The following TRIM67 variants were observed in gnomAD, a reference collection of about 807,000 sequenced individuals.
The protein encoded by TRIM67 is tripartite motif containing 67.
Under a neutral mutation model 71.0 loss-of-function variants are expected in TRIM67, and 39 were observed. That is an observed-to-expected ratio of 0.55 (90% CI 0.43 to 0.72). The LOEUF is 0.72. Among genes scored for constraint, TRIM67 ranks in the 30% least tolerant of loss-of-function variants. The pLI, the probability that TRIM67 is intolerant of heterozygous loss-of-function variation, is 0.00. For synonymous variants in TRIM67, 481 were observed against 473.9 expected (o/e 1.01, Z -0.19); for missense variants, 973 against 1,079.2 (o/e 0.90, Z 1.38).
Position 231,215,814 on chromosome 1 carries a change from T to C in TRIM67, c.*374T>C. On this transcript the variant is annotated 3_prime_UTR_variant, in exon 10 of 10. Coordinates refer to ENST00000366653, the MANE Select transcript of TRIM67 (RefSeq NM_001004342.5). ...GGGAGAGGAAGGTAGACTTTGAGAC[T>C]GGCCTCCTGAGAGCGGCAGTCAGGA... 1 of 1,032,798 alleles carries C rather than the reference T, an allele frequency of 9.7e-7. No homozygotes were observed. The highest frequency in any genetic ancestry group is 1.2e-6 in the Non-Finnish European group (1 of 861,030). The allele number at this position is 1,032,798 out of a possible 1,614,324, so 64.0% of individuals were successfully genotyped here. A position where few individuals can be genotyped will look rare whatever the true frequency, so the allele number is the denominator to read the frequency against.
At chr1:231,204,852 A>G (rs953364025) in intron 6 of TRIM67, among the ~76,000 whole-genome samples, 1 of 152,226 alleles carries the variant, frequency 6.6e-6, no homozygotes, top group African/African-American at 2.4e-5. Flanking sequence ...AGAGATGTAC[A>G]TATGTGTCGT....
chr1:231,168,220 T>C (rs1263733883), intron 1 of TRIM67, among the ~76,000 whole-genome samples: 1 of 150,910 alleles, frequency 6.6e-6, no homozygotes, highest in Non-Finnish European at 1.5e-5. Context: ...CCTCCTACCT[T>C]GGCCTCCCAA....
In TRIM67 at chr1:231,216,021, A is replaced by C. The variant is rs1165924655; in HGVS notation, c.*581A>C. 1 of 985,406 alleles carries C rather than the reference A, an allele frequency of 1.0e-6. No homozygotes were observed. The highest frequency in any genetic ancestry group is 1.7e-5 in the African/African-American group (1 of 57,222). 61.0% of individuals were successfully genotyped at this position (985,406 alleles called of 1,614,324 possible). A position where few individuals can be genotyped will look rare whatever the true frequency, so the allele number is the denominator to read the frequency against. ...GCAGGATTGATAGAAAGGGACATTA[A>C]TCATTCATGCTTGACTTTTGCCTCT... On this transcript the variant is annotated 3_prime_UTR_variant, in exon 10 of 10. Coordinates refer to ENST00000366653, the MANE Select transcript of TRIM67 (RefSeq NM_001004342.5).
intron 1 of TRIM67, among the ~76,000 whole-genome samples, chr1:231,164,780 C>T (rs1682405243): frequency 6.6e-6 from 1 of 152,020 alleles, no homozygotes; most frequent in African/African-American, 2.4e-5. Flanking sequence ...CAAGGCTATC[C>T]AACTGGAAAT....
intron 6 of TRIM67, among the ~76,000 whole-genome samples, chr1:231,204,965 G>A (rs1027949657): frequency 1.3e-5 from 2 of 152,218 alleles, no homozygotes; most frequent in African/African-American, 2.4e-5. Context: ...GCCAATTAGG[G>A]AGGTAAGATG....
chr1:231,165,338 C>A (rs1008294051), intron 1 of TRIM67, among the ~76,000 whole-genome samples: 2 of 152,152 alleles, frequency 1.3e-5, no homozygotes, highest in African/African-American at 4.8e-5. Flanking sequence ...AGTCTAGGCA[C>A]AATTTAAAAC....
chr1:231,211,512 G>A (rs1211729873), intron 8 of TRIM67, among the ~76,000 whole-genome samples: 2 of 151,982 alleles, frequency 1.3e-5, no homozygotes, highest in African/African-American at 2.4e-5. Flanking sequence ...CCGGTGGTCG[G>A]TGTCCAAATA....
intron 1 of TRIM67, among the ~76,000 whole-genome samples, chr1:231,182,696 C>G (rs1367227975): frequency 6.6e-6 from 1 of 152,182 alleles, no homozygotes; most frequent in Non-Finnish European, 1.5e-5. Context: ...TGGGTACCGG[C>G]TCTGCCACTG....
intron 5 of TRIM67, among the ~76,000 whole-genome samples, chr1:231,201,797 T>G (rs1344230704): frequency 1.3e-5 from 2 of 152,228 alleles, no homozygotes; most frequent in Non-Finnish European, 2.9e-5. Flanking sequence ...CAGAAGTGCT[T>G]GGAAAGTGTC....
intron 9 of TRIM67, 47 bp from the exon 10 acceptor site, chr1:231,215,328 C>G: frequency 6.3e-7 from 1 of 1,596,806 alleles, no homozygotes; most frequent in Non-Finnish European, 8.5e-7. Flanking sequence ...CCTCAGGGTC[C>G]CTGCGGCAGC....
chr1:231,200,142 T>A lies in TRIM67; in HGVS notation c.1264-6T>A. 1 of 1,609,398 alleles carries A rather than the reference T, an allele frequency of 6.2e-7. No individual in the cohort carries two copies. Among genetic ancestry groups the A allele is most frequent in the Non-Finnish European group, 8.5e-7 (1 of 1,175,800 alleles). On this transcript the variant is annotated splice_region_variant and splice_polypyrimidine_tract_variant and intron_variant, in intron 3 of 9. Coordinates refer to ENST00000366653, the MANE Select transcript of TRIM67 (RefSeq NM_001004342.5). ...ACAGTTACTTAGAGGAGTCTTTCCA[T>A]TGCAGATGGTTTGGGACCAGATCAA...
At chr1:231,180,397 T>C (rs887444152) in intron 1 of TRIM67, among the ~76,000 whole-genome samples, 1 of 152,178 alleles carries the variant, frequency 6.6e-6, no homozygotes, top group Non-Finnish European at 1.5e-5. Context: ...AAAAACACTC[T>C]ATGGATTGAT....
In TRIM67 at chr1:231,199,267, A is replaced by G. The variant is rs182019089; in HGVS notation, c.1263+98A>G. ...GTAGGCACTGGGGAAATAACAGCTA[A>G]GTGAGTGAATGAATGAGCTAATGAA... On this transcript the variant is annotated intron_variant, in intron 3 of 9. Transcript: ENST00000366653. 2.8e-4 allele frequency: 331 copies of G among 1,186,496 alleles called. No individual in the cohort carries two copies. The African/African-American group carries it at 4.4e-3, about 16-fold the overall frequency. The allele number at this position is 1,186,496 out of a possible 1,614,324, so 73.5% of individuals were successfully genotyped here. A position where few individuals can be genotyped will look rare whatever the true frequency, so the allele number is the denominator to read the frequency against.
intron 3 of TRIM67, 139 bp downstream of exon 3, chr1:231,199,308 AG>A: frequency 1.2e-6 from 1 of 856,090 alleles, no homozygotes; most frequent in South Asian, 1.5e-5. Context: ...GAGGCAAGGA[AG>A]GGATGCACCA....
intron 7 of TRIM67, among the ~76,000 whole-genome samples, chr1:231,208,728 G>C (rs866550647): frequency 2.6e-5 from 4 of 152,158 alleles, no homozygotes; most frequent in South Asian, 4.1e-4. Flanking sequence ...GGCCAGGCTC[G>C]TAGGGCTGGC....
chr1:231,208,286 G>T (rs1008796091), intron 7 of TRIM67, among the ~76,000 whole-genome samples: 2 of 151,520 alleles, frequency 1.3e-5, no homozygotes, highest in Non-Finnish European at 2.9e-5. Flanking sequence ...CCTTTCTCCT[G>T]CCTCAGCCTC....
Position 231,209,028 on chromosome 1 carries a change from G to T in TRIM67, c.1901G>T (p.Ser634Ile). The T allele has an allele frequency of 6.2e-7, 1 of 1,613,470 alleles. No homozygotes were observed. Among genetic ancestry groups the T allele is most frequent in the South Asian group, 1.1e-5 (1 of 91,058 alleles). The change falls in exon 8 of 10, where the codon AGC becomes ATC. Residue 634 changes from serine (S) to isoleucine (I), a missense_variant. Around this residue, in one of 2 missense-constraint regions of TRIM67, gnomAD observed 178 missense variants for 247.9 expected, o/e 0.72. Transcript: ENST00000366653. This position sits in a 1 kb window ranked among gnomAD's most constrained non-coding sequence, Gnocchi z 4.1. Reference sequence around the variant, plus strand: ...GACAACCAGACAGCCACCTGCAGCAGCTATGACGACCGGGTGGTGCTGGGC... The same window carrying T: ...GACAACCAGACAGCCACCTGCAGCATCTATGACGACCGGGTGGTGCTGGGC... ...SNDNQTATCS[S>I]YDDRVVLGTA... is the part of the protein sequence containing the mutation.
chr1:231,208,583 A>G (rs1683776566), intron 7 of TRIM67, among the ~76,000 whole-genome samples: 3 of 152,152 alleles, frequency 2.0e-5, no homozygotes, highest in Admixed American at 2.0e-4. Context: ...AAGTGCTGGG[A>G]TTACAGGCGT....
rs114453367 is a variant in TRIM67 at position 231,204,009 on chromosome 1, C to T, written c.1677C>T (p.Phe559=). ...TGGACGACGGTGCCGGGGGACAGTT[C>T]CGGGTGAGGCCTTGCTGCTTATTTG... ...LELDDGAGGQ[F]REVYVGKETL... Residue 559 remains phenylalanine (F), a synonymous_variant, in exon 6 of 10, where the codon TTC becomes TTT. Transcript: ENST00000366653. 2.3e-4 allele frequency: 369 copies of T among 1,613,902 alleles called. No individual in the cohort carries two copies. In the African/African-American group the frequency reaches 4.3e-3, roughly 19 times the overall value.
Sources: gnomAD v4.1 joint callset for allele counts (sites outside exome capture counted in the v4.1 genomes callset) on GRCh38, gnomAD v4.1.1 for gene constraint, gnomAD v4.1.1 regional missense constraint, Gnocchi (gnomAD v3.1) non-coding constraint, MANE v1.5 for transcripts, NCBI Gene and HGNC (gene_info 2026-07-23, HGNC 2026-07-21) for gene names.